Variants in IKZF3 observed in about 807,000 individuals in gnomAD.
The protein encoded by IKZF3 is zinc finger protein Aiolos.
In IKZF3, 10 loss-of-function variants were observed where a neutral mutation model predicts 49.0. The observed-to-expected ratio is 0.20, with a 90% CI of 0.13 to 0.35. The LOEUF (loss-of-function observed/expected upper bound fraction) is 0.35, where lower values mean the gene tolerates loss of function less well. Among genes scored for constraint, IKZF3 ranks in the 10% least tolerant of loss-of-function variants. IKZF3 has a pLI of 1.00. For synonymous variants in IKZF3, 209 were observed against 228.2 expected, an observed-to-expected ratio of 0.92 and a Z score of 0.76; for missense variants, 498 against 664.8, an observed-to-expected ratio of 0.75 and a Z score of 2.76.
At chr17:39,860,924 T>C (rs1373178495) in intron 1 of IKZF3, among the ~76,000 whole-genome samples, 1 of 152,154 alleles carries the variant, frequency 6.6e-6, no homozygotes, top group Non-Finnish European at 1.5e-5. Context: ...TCCAATAACA[T>C]TTTTGTTTTC....
intron 1 of IKZF3, among the ~76,000 whole-genome samples, chr17:39,849,720 G>A (rs1357851236): frequency 6.6e-6 from 1 of 151,928 alleles, no homozygotes; most frequent in Non-Finnish European, 1.5e-5. Context: ...CTTCAGGAAA[G>A]AGGATCCAAA....
chr17:39,798,169 T>C (rs1438483665), intron 3 of IKZF3, among the ~76,000 whole-genome samples: 1 of 152,182 alleles, frequency 6.6e-6, no homozygotes, highest in South Asian at 2.1e-4. Flanking sequence ...GATCTACTTA[T>C]TGCTGTAGCC....
At chr17:39,774,722 G>A (rs780746061) in intron 7 of IKZF3, among the ~76,000 whole-genome samples, 6 of 152,180 alleles carry the variant, frequency 3.9e-5, no homozygotes. Context: ...TTAACCTTCT[G>A]TATGATGAAT....
intron 3 of IKZF3, among the ~76,000 whole-genome samples, chr17:39,811,334 AGAAAGAAAGG>A: frequency 6.6e-6 from 1 of 151,198 alleles, no homozygotes; most frequent in South Asian, 2.1e-4. Context: ...AAAGAAAGAA[AGAAAGAAAGG>A]GAAAGAAAGA....
chr17:39,826,037 T>A (rs577320526), intron 3 of IKZF3, among the ~76,000 whole-genome samples: 1 of 152,294 alleles, frequency 6.6e-6, no homozygotes, highest in East Asian at 1.9e-4. Context: ...GCTTGATTTG[T>A]GGACGGTAGT....
intron 1 of IKZF3, among the ~76,000 whole-genome samples, chr17:39,854,346 A>T (rs1316832206): frequency 6.6e-6 from 1 of 152,114 alleles, no homozygotes; most frequent in East Asian, 1.9e-4. Flanking sequence ...AATAAAATTT[A>T]AAAAACAAGG....
intron 3 of IKZF3, among the ~76,000 whole-genome samples, chr17:39,801,538 C>T (rs2061317613): frequency 6.6e-6 from 1 of 152,152 alleles, no homozygotes; most frequent in African/African-American, 2.4e-5. Flanking sequence ...TTGTTACTGT[C>T]GCCCAATCTA....
At chr17:39,795,118 A>G (rs886287967) in intron 3 of IKZF3, among the ~76,000 whole-genome samples, 1 of 152,200 alleles carries the variant, frequency 6.6e-6, no homozygotes, top group Non-Finnish European at 1.5e-5. Context: ...GACATAAGAG[A>G]GCTGCTCCTT....
intron 3 of IKZF3, among the ~76,000 whole-genome samples, chr17:39,812,762 C>T (rs578184849): frequency 8.5e-5 from 13 of 152,258 alleles, no homozygotes; most frequent in Admixed American, 8.5e-4. Context: ...TTCTCTTAAT[C>T]CAGCTGGAAG....
At chr17:39,837,297 A>G (rs2062318871) in intron 1 of IKZF3, among the ~76,000 whole-genome samples, 1 of 152,142 alleles carries the variant, frequency 6.6e-6, no homozygotes. Context: ...CCTACAGTCT[A>G]AAGAACTTTA....
At chr17:39,851,989 T>C (rs2062890005) in intron 1 of IKZF3, among the ~76,000 whole-genome samples, 1 of 152,154 alleles carries the variant, frequency 6.6e-6, no homozygotes, top group African/African-American at 2.4e-5. Flanking sequence ...ATGGGCTCCA[T>C]ATATAGCTTA....
At chr17:39,862,282 G>A (rs915865679) in intron 1 of IKZF3, among the ~76,000 whole-genome samples, 1 of 152,074 alleles carries the variant, frequency 6.6e-6, no homozygotes, top group Non-Finnish European at 1.5e-5. Context: ...TATGCTGAAG[G>A]AATGATATAC....
intron 6 of IKZF3, among the ~76,000 whole-genome samples, chr17:39,781,020 C>T (rs186658668): frequency 7.9e-5 from 12 of 152,242 alleles, no homozygotes; most frequent in Admixed American, 4.6e-4. Context: ...AATAGGGGGC[C>T]TGAGTGGCTT....
intron 3 of IKZF3, among the ~76,000 whole-genome samples, chr17:39,812,891 G>A (rs1422774366): frequency 1.3e-5 from 2 of 152,074 alleles, no homozygotes; most frequent in African/African-American, 2.4e-5. Context: ...GAGGTCAGGA[G>A]ATCAAGACCA....
At chr17:39,836,192 T>C in intron 1 of IKZF3, 1 of 663,282 alleles carries the variant, frequency 1.5e-6, no homozygotes. Flanking sequence ...AGGCTCTGGT[T>C]GACCATGATG....
intron 1 of IKZF3, among the ~76,000 whole-genome samples, chr17:39,840,607 T>C (rs373166029): frequency 7.9e-5 from 12 of 152,336 alleles, no homozygotes; most frequent in Admixed American, 3.3e-4. Context: ...CATATTCCAA[T>C]TTTTAGTTTA....
Position 39,829,402 on chromosome 17 carries a change from C to T in IKZF3, c.148G>A (p.Asp50Asn). 2 of 1,613,380 alleles carry T rather than the reference C, an allele frequency of 1.2e-6. No homozygotes were observed. The highest frequency in any genetic ancestry group is 1.7e-6 in the Non-Finnish European group (2 of 1,179,328). The change falls in exon 3 of 8, where the codon GAT becomes AAT. Residue 50 changes from aspartate (D) to asparagine (N), a missense_variant. Coordinates refer to ENST00000346872, the MANE Select transcript of IKZF3 (RefSeq NM_012481.5). ...TACGGCTCACCTCCTATGTCTTCATCTTCATTGGCTGGGCCTTCTCCACTG... is the reference window on the plus strand; with the variant it reads ...TACGGCTCACCTCCTATGTCTTCATTTTCATTGGCTGGGCCTTCTCCACTG... Reference protein sequence around the residue: ...VDSGEGPANEDEDIGDDSMKV... With the variant: ...VDSGEGPANENEDIGDDSMKV...
At chr17:39,856,115 A>G (rs1306739033) in intron 1 of IKZF3, among the ~76,000 whole-genome samples, 4 of 151,482 alleles carry the variant, frequency 2.6e-5, no homozygotes, top group South Asian at 2.1e-4. Context: ...TATGTACAAT[A>G]TAACATGTAT....
intron 7 of IKZF3, among the ~76,000 whole-genome samples, chr17:39,769,280 T>A (rs2060375472): frequency 6.6e-6 from 1 of 152,184 alleles, no homozygotes; most frequent in South Asian, 2.1e-4. Flanking sequence ...AACAGCAATG[T>A]GTAAGGCAGA....
Sources: gnomAD v4.1 joint callset for allele counts (sites outside exome capture counted in the v4.1 genomes callset) on GRCh38, gnomAD v4.1.1 for gene constraint, MANE v1.5 for transcripts, NCBI Gene and HGNC (gene_info 2026-07-23, HGNC 2026-07-21) for gene names.